The following METRNL variants were observed in gnomAD, a reference collection of about 807,000 sequenced individuals.
METRNL encodes meteorin-like protein.
METRNL carries 9 observed loss-of-function variants against 17.4 expected under a neutral mutation model. The observed-to-expected ratio is 0.52, with a 90% CI of 0.31 to 0.90. The LOEUF (loss-of-function observed/expected upper bound fraction) is 0.90, where lower values mean the gene tolerates loss of function less well. Among genes scored for constraint, METRNL ranks in the 40% least tolerant of loss-of-function variants. The probability of loss-of-function intolerance (pLI) is 0.05; values close to 1 mark genes in which losing one functional copy is unlikely to be tolerated. For missense variants in METRNL, 408 were observed against 430.7 expected (o/e 0.95, Z 0.47); for synonymous variants, 215 against 199.3 (o/e 1.08, Z -0.66).
At chr17:83,087,841 C>A (rs1442281247) in intron 2 of METRNL, among the ~76,000 whole-genome samples, 1 of 152,258 alleles carries the variant, frequency 6.6e-6, no homozygotes, top group Admixed American at 6.5e-5. Flanking sequence ...ACGAGCTCGT[C>A]TGTGTGTCAG....
At chr17:83,085,380 G>A (rs527496838) in intron 2 of METRNL, 57 bp downstream of exon 2, 10 of 1,502,158 alleles carry the variant, frequency 6.7e-6, no homozygotes, top group South Asian at 1.3e-5. Flanking sequence ...GGCTGGTGAT[G>A]TGGCAGGTGT....
At chr17:83,093,088 G>A (rs2038159161) in intron 2 of METRNL, 79 bp from the exon 3 acceptor site, 2 of 616,528 alleles carry the variant, frequency 3.2e-6, no homozygotes, top group Non-Finnish European at 4.6e-6. Context: ...CTGAGTGTGA[G>A]GATCCTTTGA....
chr17:83,094,864 C>T lies in METRNL; in HGVS notation c.*289C>T, dbSNP rs188161950. 5 of 337,762 alleles carry T rather than the reference C, an allele frequency of 1.5e-5. No homozygotes were observed. Among genetic ancestry groups the T allele is most frequent in the Non-Finnish European group, 2.7e-5 (5 of 187,854 alleles). The allele number at this position is 337,762 out of a possible 1,614,324, so 20.9% of individuals were successfully genotyped here. A position where few individuals can be genotyped will look rare whatever the true frequency, so the allele number is the denominator to read the frequency against. ...GGAAACAAATTCCCGTGTCTTAAAACGCCTTGGTGTGCCGTCTGATACTGT... is the reference window on the plus strand; with the variant it reads ...GGAAACAAATTCCCGTGTCTTAAAATGCCTTGGTGTGCCGTCTGATACTGT... On this transcript the variant is annotated 3_prime_UTR_variant, in exon 4 of 4. Coordinates refer to ENST00000320095, the MANE Select transcript of METRNL (RefSeq NM_001004431.3).
intron 2 of METRNL, among the ~76,000 whole-genome samples, chr17:83,087,380 C>G (rs917089893): frequency 3.9e-5 from 6 of 152,140 alleles, no homozygotes; most frequent in African/African-American, 1.4e-4. Flanking sequence ...ACCGGGGGCC[C>G]CCGGAGCTGG....
rs2037959278 is a variant in METRNL, at chr17:83,079,779, C to T, written c.-37C>T. On this transcript the variant is annotated 5_prime_UTR_variant, in exon 1 of 4. Coordinates refer to ENST00000320095, the MANE Select transcript of METRNL (RefSeq NM_001004431.3). The stretch of plus-strand genomic sequence containing the variant: ...GCTCCGGGGTCTGCTCCGGGGGTCG[C>T]GGACGCGGGGCCGGGCGGCGGAGCC... 1 of 963,842 alleles carries T rather than the reference C, an allele frequency of 1.0e-6. No individual in the cohort carries two copies. Among genetic ancestry groups the T allele is most frequent in the Non-Finnish European group, 1.2e-6 (1 of 815,344 alleles). 59.7% of individuals were successfully genotyped at this position (963,842 alleles called of 1,614,324 possible). A position where few individuals can be genotyped will look rare whatever the true frequency, so the allele number is the denominator to read the frequency against.
At chr17:83,080,876 GC>G (rs1440977915) in intron 1 of METRNL, among the ~76,000 whole-genome samples, 3 of 150,640 alleles carry the variant, frequency 2.0e-5, no homozygotes, top group African/African-American at 7.3e-5. Flanking sequence ...CCCCGCCCCC[GC>G]CCCCGCCGCG....
rs1309605564 is a variant in METRNL, at chr17:83,094,607, G to C, written c.*32G>C. ...GGGCCGCTGCCCTTCCTCTCCTGAT[G>C]AGTCACAGGCTGCGGTGGGCGCTGC... On this transcript the variant is annotated 3_prime_UTR_variant, in exon 4 of 4. Coordinates refer to ENST00000320095, the MANE Select transcript of METRNL (RefSeq NM_001004431.3). The C allele has an allele frequency of 2.1e-6, 3 of 1,422,908 alleles. No homozygotes were observed. Among genetic ancestry groups the C allele is most frequent in the Admixed American group, 6.2e-5 (2 of 32,366 alleles). The allele number at this position is 1,422,908 out of a possible 1,614,324, so 88.1% of individuals were successfully genotyped here.
intron 1 of METRNL, 88 bp downstream of exon 1, chr17:83,080,073 C>A (rs1397075114): frequency 2.1e-5 from 17 of 823,624 alleles, no homozygotes; most frequent in Non-Finnish European, 2.3e-5. Context: ...GGGGCGCGGC[C>A]GGGGGCGGGC....
At position 83,094,356 on chromosome 17, in the gene METRNL, C is replaced by T; in HGVS notation, c.717C>T (p.Val239=). Residue 239 remains valine, a synonymous_variant, in exon 4 of 4, where the codon GTC becomes GTT. Transcript: ENST00000320095. ...VSRLYRQKSR[V]FEPVPEGDGH... ...GACTCTATCGGCAGAAAAGCAGGGT[C>T]TTCGAGCCGGTGCCCGAGGGTGACG... 2 of 1,610,878 alleles carry T rather than the reference C, an allele frequency of 1.2e-6. No homozygotes were observed. Among genetic ancestry groups the T allele is most frequent in the Non-Finnish European group, 1.7e-6 (2 of 1,178,562 alleles).
chr17:83,085,060 T>C lies in METRNL; in HGVS notation c.293T>C (p.Phe98Ser). The change falls in exon 2 of 4, where the codon TTC (phenylalanine) becomes TCC (serine). Residue 98 changes from phenylalanine to serine, a missense_variant. By Grantham distance (155) the Phe-to-Ser change is radical (BLOSUM62 -2). Coordinates refer to ENST00000320095, the MANE Select transcript of METRNL (RefSeq NM_001004431.3). Reference sequence around the variant, plus strand: ...ATCGTTAACCTGCGGCCCAACACCTTCTCGCCTGCCCGGCACCTGACCGTG... The same window carrying C: ...ATCGTTAACCTGCGGCCCAACACCTCCTCGCCTGCCCGGCACCTGACCGTG... ...ALIVNLRPNT[F>S]SPARHLTVCI... 6.2e-7 allele frequency: 1 copy of C among 1,613,880 alleles called. No individual in the cohort carries two copies. The highest frequency in any genetic ancestry group is 8.5e-7 in the Non-Finnish European group (1 of 1,180,010).
intron 1 of METRNL, among the ~76,000 whole-genome samples, chr17:83,081,803 T>C (rs2037992614): frequency 6.6e-6 from 1 of 152,068 alleles, no homozygotes; most frequent in South Asian, 2.1e-4. Flanking sequence ...GGGGCGTAAG[T>C]GAGACTTCCT....
intron 1 of METRNL, chr17:83,082,163 T>C (rs2037997576): frequency 1.0e-6 from 1 of 985,296 alleles, no homozygotes; most frequent in Non-Finnish European, 1.2e-6. Flanking sequence ...ATGTGGACCA[T>C]GAACTTTCCC....
intron 2 of METRNL, 152 bp from the exon 3 acceptor site, chr17:83,093,015 C>T: frequency 3.1e-6 from 2 of 639,968 alleles, no homozygotes; most frequent in Middle Eastern, 2.5e-4. Context: ...CGCCAACTCA[C>T]ATTTGAAGTG....
At chr17:83,082,040 C>A in intron 1 of METRNL, 1 of 979,348 alleles carries the variant, frequency 1.0e-6, no homozygotes, top group Non-Finnish European at 1.2e-6. Flanking sequence ...ACTGCATCGA[C>A]GGCCTCTGTT....
At chr17:83,080,509 C>T (rs1240119768) in intron 1 of METRNL, among the ~76,000 whole-genome samples, 2 of 146,606 alleles carry the variant, frequency 1.4e-5, no homozygotes, top group African/African-American at 5.0e-5. Flanking sequence ...GGGCCCCCCG[C>T]CCCTGCCCCG....
At chr17:83,090,667 G>C (rs1013852770) in intron 2 of METRNL, among the ~76,000 whole-genome samples, 1 of 150,848 alleles carries the variant, frequency 6.6e-6, no homozygotes, top group South Asian at 2.1e-4. Flanking sequence ...GGGTGGACTG[G>C]GGTCACCACG....
At chr17:83,091,984 C>T (rs1262809914) in intron 2 of METRNL, among the ~76,000 whole-genome samples, 5 of 152,226 alleles carry the variant, frequency 3.3e-5, no homozygotes, top group Non-Finnish European at 7.3e-5. Flanking sequence ...CACAGTGGCC[C>T]GCCCATCTAA....
At chr17:83,090,627 C>T (rs866602025) in intron 2 of METRNL, among the ~76,000 whole-genome samples, 29 of 150,048 alleles carry the variant, frequency 1.9e-4, no homozygotes, top group Non-Finnish European at 2.7e-4. Flanking sequence ...GCTGCCCAGC[C>T]GGAGGGTGCT....
At chr17:83,090,791 C>G (rs938244661) in intron 2 of METRNL, among the ~76,000 whole-genome samples, 1 of 152,040 alleles carries the variant, frequency 6.6e-6, no homozygotes, top group East Asian at 2.0e-4. Flanking sequence ...TGCAGTCTCA[C>G]CTGTGGAGGA....
Sources: gnomAD v4.1 joint callset for allele counts (sites outside exome capture counted in the v4.1 genomes callset) on GRCh38, gnomAD v4.1.1 for gene constraint, MANE v1.5 for transcripts, NCBI Gene and HGNC (gene_info 2026-07-23, HGNC 2026-07-21) for gene names.